ME2: variants seen among roughly 807,000 people sequenced by gnomAD.
ME2 encodes the protein NAD-dependent malic enzyme, mitochondrial.
In ME2, 60 loss-of-function variants were observed where a neutral mutation model predicts 73.7. The ratio of observed to expected loss-of-function variants is 0.81; its 90% CI spans 0.66 to 1.01. ME2 has a LOEUF of 1.01. ME2 is among the 50% of genes least tolerant of loss of function. ME2 has a pLI of 0.00. For synonymous variants in ME2, 199 were observed against 236.9 expected, an observed-to-expected ratio of 0.84 and a Z score of 1.47; for missense variants, 594 against 705.5, an observed-to-expected ratio of 0.84 and a Z score of 1.79.
At chr18:50,938,349 T>A (rs1917864176) in intron 13 of ME2, among the ~76,000 whole-genome samples, 1 of 151,902 alleles carries the variant, frequency 6.6e-6, no homozygotes, top group African/African-American at 2.4e-5. Flanking sequence ...TTAAAAGGGA[T>A]CCTACATGCA....
At position 50,920,777 on chromosome 18, in the gene ME2, T is replaced by C. The variant is rs1480060900; in HGVS notation, c.942+19T>C. 2 of 1,556,940 alleles carry C rather than the reference T, an allele frequency of 1.3e-6. No individual in the cohort carries two copies. Among genetic ancestry groups the C allele is most frequent in the Non-Finnish European group, 1.8e-6 (2 of 1,141,338 alleles). On this transcript the variant is annotated intron_variant, in intron 9 of 15. Coordinates refer to ENST00000321341, the MANE Select transcript of ME2 (RefSeq NM_002396.5). The stretch of plus-strand genomic sequence containing the variant: ...AGGAGAGGTAAGTTTTGAAGGCTTT[T>C]TGAAACTTAAGCCTATCCTCTCTTA...
rs988932146 is a variant in ME2, at chr18:50,879,306, C to G, written c.-15C>G. The G allele has an allele frequency of 1.9e-4, 29 of 151,928 alleles. No homozygotes were observed. The highest frequency in any genetic ancestry group is 6.3e-4 in the African/African-American group (26 of 41,400). The allele number at this position is 151,928 out of a possible 1,614,324, so 9.4% of individuals were successfully genotyped here. On this transcript the variant is annotated splice_region_variant and 5_prime_UTR_variant, in exon 1 of 16. Transcript: ENST00000321341. ...TACCACCTGTCGCGGCGCGAGACCT[C>G]TGGTAAGGCCCGGCGCGGTGGGGCC...
intron 10 of ME2, 42 bp downstream of exon 10, chr18:50,921,229 A>G: frequency 9.8e-7 from 1 of 1,019,422 alleles, no homozygotes; most frequent in Non-Finnish European, 1.4e-6. Flanking sequence ...AGTGTATTAT[A>G]TTTTTAGTTG....
chr18:50,927,665 G>T (rs1917587111), intron 12 of ME2, among the ~76,000 whole-genome samples: 1 of 143,578 alleles, frequency 7.0e-6, no homozygotes, highest in African/African-American at 2.6e-5. Context: ...TCGCACCACT[G>T]CACTCCAGCC....
At chr18:50,921,738 A>C (rs1372280871) in intron 10 of ME2, among the ~76,000 whole-genome samples, 1 of 152,074 alleles carries the variant, frequency 6.6e-6, no homozygotes, top group Non-Finnish European at 1.5e-5. Context: ...GAAATTCTTA[A>C]CCCTTTGGAG....
rs1479565374 is a variant in ME2 at position 50,879,125 on chromosome 18, C to A, written c.-196C>A. 6.6e-6 allele frequency: 1 copy of A among 152,266 alleles called. No individual in the cohort carries two copies. Among genetic ancestry groups the A allele is most frequent in the Non-Finnish European group, 1.5e-5 (1 of 68,084 alleles). The allele number at this position is 152,266 out of a possible 1,614,324, so 9.4% of individuals were successfully genotyped here. ...CTCCTCGCGCCCTCCCCTCTCTCGGCCGCTCTTCGGGCCGCCTCTGCGTGT... is the reference window on the plus strand; with the variant it reads ...CTCCTCGCGCCCTCCCCTCTCTCGGACGCTCTTCGGGCCGCCTCTGCGTGT... On this transcript the variant is annotated 5_prime_UTR_variant, in exon 1 of 16. Coordinates refer to ENST00000321341, the MANE Select transcript of ME2 (RefSeq NM_002396.5).
intron 7 of ME2, among the ~76,000 whole-genome samples, 177 bp from the exon 8 acceptor site, chr18:50,920,279 A>G (rs975051235): frequency 1.3e-5 from 2 of 152,066 alleles, no homozygotes; most frequent in African/African-American, 4.8e-5. Context: ...TACTTTTTTT[A>G]TTGAATAATT....
intron 7 of ME2, among the ~76,000 whole-genome samples, chr18:50,918,472 G>C (rs558882283): frequency 1.3e-5 from 2 of 152,130 alleles, no homozygotes; most frequent in Non-Finnish European, 2.9e-5. Context: ...TCCATCAAAC[G>C]CTTACTGCTC....
Position 50,912,963 on chromosome 18 carries a change from TA to T in ME2, c.392+21del. ...TTAGAAGACCTAAGTAAGGCTTGTT[TA>T]AAAAAAAGCTTGTAAATGATTATTG... On this transcript the variant is annotated intron_variant, in intron 4 of 15. Coordinates refer to ENST00000321341, the MANE Select transcript of ME2 (RefSeq NM_002396.5). The T allele has an allele frequency of 2.0e-5, 31 of 1,566,692 alleles. No homozygotes were observed. Among genetic ancestry groups the T allele is most frequent in the Admixed American group, 6.3e-5 (3 of 47,566 alleles).
chr18:50,927,541 A>G (rs1229550339), intron 12 of ME2, among the ~76,000 whole-genome samples: 1 of 151,594 alleles, frequency 6.6e-6, no homozygotes, highest in Non-Finnish European at 1.5e-5. Flanking sequence ...TCTACTAAAA[A>G]TACAAAAAAA....
At chr18:50,897,217 T>G (rs1916766898) in intron 2 of ME2, among the ~76,000 whole-genome samples, 1 of 152,234 alleles carries the variant, frequency 6.6e-6, no homozygotes, top group Non-Finnish European at 1.5e-5. Context: ...GGGTTCCTTT[T>G]GGGCAGGGAC....
Position 50,951,416 on chromosome 18 carries a change from T to C in ME2, c.*4232T>C, listed in dbSNP as rs1331181514. ...CTTCAAATGCTCCCATAGTTTTTTTTCCTCAAGCCCAGTCAGTATCCTTCA... is the reference window on the plus strand; with the variant it reads ...CTTCAAATGCTCCCATAGTTTTTTTCCCTCAAGCCCAGTCAGTATCCTTCA... On this transcript the variant is annotated 3_prime_UTR_variant, in exon 16 of 16. Coordinates refer to ENST00000321341, the MANE Select transcript of ME2 (RefSeq NM_002396.5). The C allele has an allele frequency of 2.0e-5, 3 of 152,274 alleles. No homozygotes were observed. The highest frequency in any genetic ancestry group is 3.9e-4 in the East Asian group (2 of 5,184). The allele number at this position is 152,274 out of a possible 1,614,324, so 9.4% of individuals were successfully genotyped here.
chr18:50,905,178 G>A (rs1599098527), intron 2 of ME2, among the ~76,000 whole-genome samples: 1 of 152,034 alleles, frequency 6.6e-6, no homozygotes, highest in African/African-American at 2.4e-5. Flanking sequence ...GTAGAGATGG[G>A]GTTTTACCAT....
rs1316222450 is a variant in ME2, at chr18:50,951,031, TG to T, written c.*3848del. The T allele has an allele frequency of 2.0e-5, 3 of 152,252 alleles. No homozygotes were observed. Among genetic ancestry groups the T allele is most frequent in the Non-Finnish European group, 4.4e-5 (3 of 68,048 alleles). The allele number at this position is 152,252 out of a possible 1,614,324, so 9.4% of individuals were successfully genotyped here. ...TACAAGAACAAAAATAGAGAATTTT[TG>T]AACATATTTTTCTGAAAACATAAAA... On this transcript the variant is annotated 3_prime_UTR_variant, in exon 16 of 16. Transcript: ENST00000321341.
intron 15 of ME2, among the ~76,000 whole-genome samples, chr18:50,940,983 C>T (rs904920564): frequency 6.6e-6 from 1 of 152,038 alleles, no homozygotes; most frequent in African/African-American, 2.4e-5. Context: ...GTAGGCTGGG[C>T]GCAGTGGCTT....
intron 15 of ME2, among the ~76,000 whole-genome samples, chr18:50,942,490 G>C (rs568672888): frequency 6.6e-6 from 1 of 152,152 alleles, no homozygotes; most frequent in East Asian, 1.9e-4. Context: ...CTGCAACTTT[G>C]TATGAAATTG....
intron 2 of ME2, among the ~76,000 whole-genome samples, chr18:50,903,351 T>TA (rs1209349116): frequency 1.3e-5 from 2 of 152,252 alleles, no homozygotes; most frequent in Non-Finnish European, 2.9e-5. Flanking sequence ...CTCTGCATTA[T>TA]AAATAAATCA....
chr18:50,943,913 TAGTC>T (rs1390957159), intron 15 of ME2, among the ~76,000 whole-genome samples: 1 of 152,068 alleles, frequency 6.6e-6, no homozygotes, highest in Non-Finnish European at 1.5e-5. Flanking sequence ...TGGAAGATAT[TAGTC>T]AGTTAAGAGA....
At chr18:50,928,581 GAACTATA>G (rs1489940967) in intron 12 of ME2, among the ~76,000 whole-genome samples, 1 of 152,120 alleles carries the variant, frequency 6.6e-6, no homozygotes, top group African/African-American at 2.4e-5. Context: ...TGTAGAAAAA[GAACTATA>G]GCAATAATTT....
Sources: gnomAD v4.1 joint callset for allele counts (sites outside exome capture counted in the v4.1 genomes callset) on GRCh38, gnomAD v4.1.1 for gene constraint, MANE v1.5 for transcripts, NCBI Gene and HGNC (gene_info 2026-07-23, HGNC 2026-07-21) for gene names.